PHKB: variants seen among roughly 807,000 people sequenced by gnomAD.
PHKB encodes the protein phosphorylase kinase regulatory subunit beta.
In PHKB, 122 loss-of-function variants were observed where a neutral mutation model predicts 152.1. The observed-to-expected ratio is 0.80, with a 90% CI of 0.69 to 0.93. The LOEUF (loss-of-function observed/expected upper bound fraction) is 0.93. Ranked by LOEUF, PHKB falls within the 40% of genes least tolerant of loss-of-function variation. PHKB has a pLI of 0.00. For missense variants in PHKB, 1,304 were observed against 1,328.4 expected (o/e 0.98, Z 0.29); for synonymous variants, 436 against 464.9 (o/e 0.94, Z 0.80).
chr16:47,531,921 C>T (rs1597060518), intron 6 of PHKB, among the ~76,000 whole-genome samples: 1 of 152,050 alleles, frequency 6.6e-6, no homozygotes, highest in African/African-American at 2.4e-5. Context: ...TCAATTTGAT[C>T]CATTAAAGTA....
At chr16:47,606,765 GA>G (rs1291443164) in intron 13 of PHKB, among the ~76,000 whole-genome samples, 1 of 152,140 alleles carries the variant, frequency 6.6e-6, no homozygotes, top group Admixed American at 6.5e-5. Context: ...GGCCCATGGA[GA>G]AATCCTGCTG....
At chr16:47,551,092 T>A (rs1200117330) in intron 7 of PHKB, among the ~76,000 whole-genome samples, 2 of 152,230 alleles carry the variant, frequency 1.3e-5, no homozygotes, top group African/African-American at 4.8e-5. Context: ...TTGTGTCTAT[T>A]TGATTCTTCT....
chr16:47,620,393 G>T (rs966861037), intron 14 of PHKB, among the ~76,000 whole-genome samples: 11 of 152,172 alleles, frequency 7.2e-5, no homozygotes, highest in South Asian at 2.1e-4. Context: ...CTTGTATTTT[G>T]ATAGTTCCAA....
At chr16:47,492,615 C>G (rs1305781852) in intron 1 of PHKB, among the ~76,000 whole-genome samples, 1 of 152,130 alleles carries the variant, frequency 6.6e-6, no homozygotes, top group Non-Finnish European at 1.5e-5. Context: ...TTGGTTCACG[C>G]ACCCCAGCCT....
intron 14 of PHKB, among the ~76,000 whole-genome samples, chr16:47,626,669 G>C (rs1972715795): frequency 1.3e-5 from 2 of 152,176 alleles, no homozygotes; most frequent in Non-Finnish European, 2.9e-5. Flanking sequence ...TTCTGGGACT[G>C]CCACTAACTT....
intron 16 of PHKB, among the ~76,000 whole-genome samples, chr16:47,647,235 T>C (rs1973146760): frequency 6.6e-6 from 1 of 152,170 alleles, no homozygotes; most frequent in Non-Finnish European, 1.5e-5. Flanking sequence ...GCAATTCTTC[T>C]GCCTCAGCCT....
chr16:47,642,084 T>C (rs576876488), intron 16 of PHKB, among the ~76,000 whole-genome samples: 4 of 152,148 alleles, frequency 2.6e-5, no homozygotes, highest in Non-Finnish European at 5.9e-5. Flanking sequence ...TGATTTGGTT[T>C]TTTCATCCTT....
rs780719396 is a variant in PHKB at position 47,648,571 on chromosome 16, C to T, written c.1647C>T (p.Leu549=). ...TGGGTATCAATGAAAAGTTAGGACT[C>T]TCTGGAAGGCCAGACAGGCCCATTG... The part of the protein sequence containing the change: ...LQLGINEKLG[L]SGRPDRPIGC... Residue 549 remains leucine, a synonymous_variant, in exon 17 of 31, where the codon CTC becomes CTT. Transcript: ENST00000323584. The T allele has an allele frequency of 2.5e-6, 4 of 1,613,332 alleles. No homozygotes were observed. The South Asian group carries it at 3.3e-5, about 13-fold the overall frequency.
At chr16:47,699,202 T>G (rs754513514) in intron 30 of PHKB, 27 bp from the exon 31 acceptor site, 1 of 1,612,344 alleles carries the variant, frequency 6.2e-7, no homozygotes, top group Non-Finnish European at 8.5e-7. Flanking sequence ...GAAGATCGAA[T>G]GCCTTGCCTA....
intron 14 of PHKB, among the ~76,000 whole-genome samples, chr16:47,629,882 G>A (rs1210823224): frequency 6.6e-6 from 1 of 152,052 alleles, no homozygotes; most frequent in Non-Finnish European, 1.5e-5. Context: ...TAGGGACATG[G>A]ATGAAATTGG....
At chr16:47,471,468 C>T (rs762706664) in intron 1 of PHKB, among the ~76,000 whole-genome samples, 5 of 152,194 alleles carry the variant, frequency 3.3e-5, no homozygotes, top group South Asian at 2.1e-4. Context: ...GACAAAAAGG[C>T]GGGGAGCAAC....
At position 47,565,710 on chromosome 16, in the gene PHKB, C is replaced by T. The variant is rs377441664; in HGVS notation, c.711-14585C>T. On this transcript the variant is annotated intron_variant, in intron 7 of 30. Transcript: ENST00000323584. ...ACTTTGCCAGTTTGGGTGTCTCTCC[C>T]GAGGCCATCGTTCTAGTTTTGGCTC... 4.4e-5 allele frequency: 64 copies of T among 1,469,440 alleles called. No individual in the cohort carries two copies. In the East Asian group the frequency reaches 5.9e-4, roughly 14 times the overall value. 91.0% of individuals were successfully genotyped at this position (1,469,440 alleles called of 1,614,324 possible). A position where few individuals can be genotyped will look rare whatever the true frequency, so the allele number is the denominator to read the frequency against.
intron 6 of PHKB, 28 bp from the exon 7 acceptor site, chr16:47,547,405 C>T (rs1476698525): frequency 1.5e-6 from 2 of 1,369,996 alleles, no homozygotes; most frequent in Admixed American, 3.4e-5. Context: ...TTGAGTATGT[C>T]CTTATGTTTC....
At chr16:47,483,174 G>A (rs190632710) in intron 1 of PHKB, among the ~76,000 whole-genome samples, 1 of 151,258 alleles carries the variant, frequency 6.6e-6, no homozygotes, top group Admixed American at 6.6e-5. Context: ...GAGTAGCTGG[G>A]ATTACAGGCG....
At chr16:47,647,285 G>A (rs1021537771) in intron 16 of PHKB, among the ~76,000 whole-genome samples, 5 of 151,980 alleles carry the variant, frequency 3.3e-5, no homozygotes, top group South Asian at 2.1e-4. Flanking sequence ...CACCACGCCC[G>A]GCTAATTTTT....
At chr16:47,656,007 A>G (rs1044807759) in intron 20 of PHKB, among the ~76,000 whole-genome samples, 9 of 152,010 alleles carry the variant, frequency 5.9e-5, no homozygotes, top group Admixed American at 1.3e-4. Context: ...CATGATTCAA[A>G]GAGTTTTACT....
At chr16:47,478,129 CTA>C (rs775497580) in intron 1 of PHKB, among the ~76,000 whole-genome samples, 18 of 152,044 alleles carry the variant, frequency 1.2e-4, no homozygotes, top group African/African-American at 3.6e-4. Flanking sequence ...AGAAAAAAAT[CTA>C]TGTTTTTACC....
intron 1 of PHKB, among the ~76,000 whole-genome samples, chr16:47,470,501 G>C (rs999821664): frequency 3.9e-5 from 6 of 152,302 alleles, no homozygotes; most frequent in East Asian, 1.9e-4. Context: ...TGAACGTATC[G>C]CAGTGCTGCA....
intron 28 of PHKB, among the ~76,000 whole-genome samples, chr16:47,695,574 G>A (rs1974132867): frequency 6.6e-6 from 1 of 152,196 alleles, no homozygotes; most frequent in African/African-American, 2.4e-5. Flanking sequence ...TGAGTGGTAA[G>A]TAGATAGACA....
Sources: gnomAD v4.1 joint callset for allele counts (sites outside exome capture counted in the v4.1 genomes callset) on GRCh38, gnomAD v4.1.1 for gene constraint, MANE v1.5 for transcripts, NCBI Gene and HGNC (gene_info 2026-07-23, HGNC 2026-07-21) for gene names.